USP3: variants seen among roughly 807,000 people sequenced by gnomAD.
USP3 encodes ubiquitin specific peptidase 3.
Under a neutral mutation model 72.3 loss-of-function variants are expected in USP3, and 20 were observed. That is an observed-to-expected ratio of 0.28 (90% CI 0.19 to 0.40). USP3 has a LOEUF of 0.40. USP3 is among the 10% of genes least tolerant of loss of function. USP3 has a pLI of 1.00. For synonymous variants in USP3, 222 were observed against 225.3 expected (o/e 0.99, Z 0.13); for missense variants, 479 against 633.9 (o/e 0.76, Z 2.62).
At chr15:63,573,920 T>C in intron 9 of USP3, 126 bp from the exon 10 acceptor site, 1 of 491,530 alleles carries the variant, frequency 2.0e-6, no homozygotes, top group East Asian at 3.6e-5. Context: ...AACTTAGAAA[T>C]AAATGACTTA....
At chr15:63,533,940 A>G in intron 2 of USP3, 1 of 1,017,352 alleles carries the variant, frequency 9.8e-7, no homozygotes, top group Non-Finnish European at 1.2e-6. Flanking sequence ...AATGCAATAA[A>G]ATTTATGTAG....
rs2066028722 is a variant in USP3 at position 63,529,121 on chromosome 15, C to T, written c.92-3526C>T. 1 of 1,186,474 alleles carries T rather than the reference C, an allele frequency of 8.4e-7. No individual in the cohort carries two copies. The highest frequency in any genetic ancestry group is 1.1e-6 in the Non-Finnish European group (1 of 895,278). 73.5% of individuals were successfully genotyped at this position (1,186,474 alleles called of 1,614,324 possible). A position where few individuals can be genotyped will look rare whatever the true frequency, so the allele number is the denominator to read the frequency against. ...TCAAGTGATTCTTCTGCCTCAGCCT[C>T]CCAAGTAGCTGGGACTACAGATGCA... On this transcript the variant is annotated intron_variant, in intron 1 of 14. Coordinates refer to ENST00000380324, the MANE Select transcript of USP3 (RefSeq NM_006537.4). This position sits in a 1 kb window ranked among gnomAD's most constrained non-coding sequence, Gnocchi z 4.2.
In USP3 at chr15:63,516,249, T is replaced by C. The variant is rs2065848986; in HGVS notation, c.91+11419T>C. ...TTAACCCATTCAACGGATTAGATAA[T>C]CTCCAAGCACTAACTCTTTTCTAAA... On this transcript the variant is annotated intron_variant, in intron 1 of 14. Transcript: ENST00000380324. 2.0e-5 allele frequency among the ~76,000 whole-genome samples: 3 copies of C among 152,344 alleles called. No individual in the cohort carries two copies. The South Asian group carries it at 6.2e-4, about 32-fold the overall frequency.
chr15:63,543,737 A>G (rs1317554366), intron 3 of USP3, among the ~76,000 whole-genome samples: 1 of 152,198 alleles, frequency 6.6e-6, no homozygotes, highest in Non-Finnish European at 1.5e-5. Context: ...ACATTTTCCT[A>G]CTCTGTGCTC....
At chr15:63,541,383 A>G (rs933766648) in intron 3 of USP3, among the ~76,000 whole-genome samples, 3 of 152,206 alleles carry the variant, frequency 2.0e-5, no homozygotes, top group African/African-American at 7.2e-5. Flanking sequence ...AAAAATTTTA[A>G]AAAAGGAAAA....
At chr15:63,565,795 G>A (rs181129286) in intron 8 of USP3, among the ~76,000 whole-genome samples, 149 of 152,274 alleles carry the variant, frequency 9.8e-4, no homozygotes, top group African/African-American at 3.5e-3. Flanking sequence ...TTTATGGACT[G>A]TTTCTAGTCT....
intron 2 of USP3, among the ~76,000 whole-genome samples, chr15:63,535,549 G>A (rs544518445): frequency 1.3e-5 from 2 of 152,272 alleles, no homozygotes; most frequent in Admixed American, 6.5e-5. Context: ...TTTGAATCCA[G>A]GCAGTCTAGT....
chr15:63,587,633 T>TA (rs2067099899), intron 11 of USP3: 1 of 152,224 alleles, frequency 6.6e-6, no homozygotes, highest in African/African-American at 2.4e-5. Context: ...TTGCACCACA[T>TA]AAGGTCTCTG....
intron 1 of USP3, among the ~76,000 whole-genome samples, chr15:63,512,304 C>CTT (rs1491526657): frequency 1.3e-4 from 19 of 147,010 alleles, no homozygotes; most frequent in African/African-American, 4.9e-4. Context: ...TCTTCTTCCT[C>CTT]CTCTTCTTCT....
At chr15:63,575,985 C>CTTTT (rs35737078) in intron 11 of USP3, among the ~76,000 whole-genome samples, 1 of 119,774 alleles carries the variant, frequency 8.3e-6, no homozygotes, top group African/African-American at 3.2e-5. Context: ...CTGAACAATA[C>CTTTT]TTTTTTTTTT....
rs1046917655 is a variant in USP3, at chr15:63,529,283, T to G, written c.92-3364T>G. 2.7e-6 allele frequency: 1 copy of G among 374,798 alleles called. No homozygotes were observed. The highest frequency in any genetic ancestry group is 3.7e-5 in the Admixed American group (1 of 26,732). The allele number at this position is 374,798 out of a possible 1,614,324, so 23.2% of individuals were successfully genotyped here. A position where few individuals can be genotyped will look rare whatever the true frequency, so the allele number is the denominator to read the frequency against. On this transcript the variant is annotated intron_variant, in intron 1 of 14. Transcript: ENST00000380324. The surrounding 1 kb of genome is among the most constrained non-coding windows in gnomAD (Gnocchi z 4.2). ...GTACTTTATTCCCTTTTACTTTCTC[T>G]CCTTATCATTACGTATCTGTCTGTC...
intron 1 of USP3, among the ~76,000 whole-genome samples, chr15:63,519,880 G>T (rs926153357): frequency 6.6e-6 from 1 of 151,834 alleles, no homozygotes; most frequent in Non-Finnish European, 1.5e-5. Flanking sequence ...TTATTCTAAG[G>T]TACTCATCAT....
Position 63,529,181 on chromosome 15 carries a change from T to TC in USP3, c.92-3466_92-3465insC. 1.7e-6 allele frequency: 1 copy of TC among 595,252 alleles called. No homozygotes were observed. Among genetic ancestry groups the TC allele is most frequent in the South Asian group, 1.6e-5 (1 of 61,602 alleles). The allele number at this position is 595,252 out of a possible 1,614,324, so 36.9% of individuals were successfully genotyped here. On this transcript the variant is annotated intron_variant, in intron 1 of 14. Transcript: ENST00000380324. This position sits in a 1 kb window ranked among gnomAD's most constrained non-coding sequence, Gnocchi z 4.2. ...ACACTTGGCAGGTAGTAAAGTGGTT[T>TC]TTTTTTTTTTCTTTTTTTTGAGATA...
At chr15:63,549,450 ACTT>A (rs1257991674) in intron 3 of USP3, among the ~76,000 whole-genome samples, 1 of 152,186 alleles carries the variant, frequency 6.6e-6, no homozygotes, top group African/African-American at 2.4e-5. Flanking sequence ...ACTTGTGAAA[ACTT>A]CTTATTATCA....
chr15:63,568,909 G>C (rs1377864655), intron 8 of USP3, among the ~76,000 whole-genome samples: 1 of 152,136 alleles, frequency 6.6e-6, no homozygotes, highest in Non-Finnish European at 1.5e-5. Flanking sequence ...AGGAAACATA[G>C]AAAATAATGC....
In USP3 at chr15:63,570,694, C is replaced by T; in HGVS notation, c.908+115C>T. ...GGGGTTTCTTGGACATTTGCTGGAA[C>T]TTTTCGTGCCCTTGAACTTTGTGAC... is the stretch of plus-strand genomic sequence containing the variant. On this transcript the variant is annotated intron_variant, in intron 9 of 14. Coordinates refer to ENST00000380324, the MANE Select transcript of USP3 (RefSeq NM_006537.4). This position sits in a 1 kb window ranked among gnomAD's most constrained non-coding sequence, Gnocchi z 4.4. The T allele has an allele frequency of 1.4e-6, 2 of 1,443,614 alleles. No individual in the cohort carries two copies. The highest frequency in any genetic ancestry group is 1.9e-6 in the Non-Finnish European group (2 of 1,078,554). 89.4% of individuals were successfully genotyped at this position (1,443,614 alleles called of 1,614,324 possible).
intron 8 of USP3, among the ~76,000 whole-genome samples, chr15:63,564,477 A>G (rs1192424639): frequency 1.3e-5 from 2 of 152,220 alleles, no homozygotes; most frequent in African/African-American, 2.4e-5. Flanking sequence ...CTTGATCCCC[A>G]TGGTGACCAA....
chr15:63,532,696 C>T lies in USP3; in HGVS notation c.141C>T (p.Val47=). The change falls in exon 2 of 15, where the codon GTC becomes GTT. Residue 47 remains valine (V), a synonymous_variant. Transcript: ENST00000380324. The stretch of plus-strand genomic sequence containing the variant: ...GGGTCTGTTTGACTTGTTCAAGTGT[C>T]CACTGTGGAAGGTAGGTGACATACT... ...SPWVCLTCSS[V]HCGRYVNGHA... 1.9e-6 allele frequency: 3 copies of T among 1,613,950 alleles called. No individual in the cohort carries two copies. The highest frequency in any genetic ancestry group is 2.5e-6 in the Non-Finnish European group (3 of 1,179,916).
chr15:63,528,952 A>G lies in USP3; in HGVS notation c.92-3695A>G. 2 of 1,228,628 alleles carry G rather than the reference A, an allele frequency of 1.6e-6. No individual in the cohort carries two copies. The highest frequency in any genetic ancestry group is 2.5e-5 in the South Asian group (2 of 78,768). 76.1% of individuals were successfully genotyped at this position (1,228,628 alleles called of 1,614,324 possible). A position where few individuals can be genotyped will look rare whatever the true frequency, so the allele number is the denominator to read the frequency against. On this transcript the variant is annotated intron_variant, in intron 1 of 14. Coordinates refer to ENST00000380324, the MANE Select transcript of USP3 (RefSeq NM_006537.4). The surrounding 1 kb of genome is among the most constrained non-coding windows in gnomAD (Gnocchi z 4.3). ...GTATAAACAGAGTGAATATTCCCCA[A>G]AGCAATGCCATTTATTGGCTTCAGA...
Sources: allele counts gnomAD v4.1 joint callset (sites outside exome capture counted in the v4.1 genomes callset), GRCh38; gene constraint gnomAD v4.1.1; non-coding constraint Gnocchi (gnomAD v3.1); transcripts MANE v1.5; gene names NCBI Gene and HGNC (gene_info 2026-07-23, HGNC 2026-07-21).